CIP2A: variants seen among roughly 807,000 people sequenced by gnomAD.
CIP2A encodes cellular inhibitor of PP2A.
In CIP2A, 103 loss-of-function variants were observed where a neutral mutation model predicts 110.9. The ratio of observed to expected loss-of-function variants is 0.93; its 90% CI spans 0.79 to 1.09. The LOEUF (loss-of-function observed/expected upper bound fraction) is 1.09, where lower values mean the gene tolerates loss of function less well. Ranked by LOEUF, CIP2A falls within the 50% of genes least tolerant of loss-of-function variation. The pLI is 0.00. For missense variants in CIP2A, 1,088 were observed against 1,038.4 expected (o/e 1.05, Z -0.66); for synonymous variants, 381 against 361.6 (o/e 1.05, Z -0.61).
At chr3:108,572,826 T>C (rs1282723263) in intron 8 of CIP2A, among the ~76,000 whole-genome samples, 1 of 152,070 alleles carries the variant, frequency 6.6e-6, no homozygotes, top group Non-Finnish European at 1.5e-5. Flanking sequence ...ATTAGGTTGG[T>C]TGGGACCACC....
In CIP2A at chr3:108,585,202, C is replaced by T. The variant is rs778911986; in HGVS notation, c.113G>A (p.Gly38Glu). Residue 38 changes from glycine (G) to glutamate (E), a missense_variant, in exon 2 of 21, where the codon GGA (glycine) becomes GAA (glutamate). Coordinates refer to ENST00000295746, the MANE Select transcript of CIP2A (RefSeq NM_020890.3). ...QLLRHLEVIS[G>E]QKLTRLFTSN... ...TGTAAATAGTCGTGTGAGTTTCTGT[C>T]CAGAAATTACCTATAAAATAGTAAT... 42 of 1,605,436 alleles carry T rather than the reference C, an allele frequency of 2.6e-5. No individual in the cohort carries two copies. The Middle Eastern group carries it at 8.3e-4, about 32-fold the overall frequency.
At chr3:108,552,207 C>A (rs1330994931) in intron 20 of CIP2A, 27 bp downstream of exon 20, 2 of 1,533,430 alleles carry the variant, frequency 1.3e-6, no homozygotes, top group African/African-American at 1.4e-5. Context: ...TATTTTACTG[C>A]AAATGAGAAA....
chr3:108,585,302 T>A, intron 1 of CIP2A, 90 bp from the exon 2 acceptor site: 1 of 1,188,284 alleles, frequency 8.4e-7, no homozygotes, highest in Non-Finnish European at 1.2e-6. Context: ...TCCCTCAAAG[T>A]GCCACTGCTA....
rs374229316 is a variant in CIP2A, at chr3:108,589,418, G to T, written c.-43C>A. ...GGCTTAGGGACCACCACCGCCCAGC[G>T]TGCGCCGGCCTTTAGCTTTCGCCGC... On this transcript the variant is annotated 5_prime_UTR_variant, in exon 1 of 21. Transcript: ENST00000295746. 10 of 1,435,584 alleles carry T rather than the reference G, an allele frequency of 7.0e-6. No homozygotes were observed. The highest frequency in any genetic ancestry group is 1.8e-5 in the Admixed American group (1 of 54,310). 88.9% of individuals were successfully genotyped at this position (1,435,584 alleles called of 1,614,324 possible). A position where few individuals can be genotyped will look rare whatever the true frequency, so the allele number is the denominator to read the frequency against.
At chr3:108,585,389 C>T (rs915742520) in intron 1 of CIP2A, among the ~76,000 whole-genome samples, 177 bp from the exon 2 acceptor site, 1 of 152,116 alleles carries the variant, frequency 6.6e-6, no homozygotes, top group African/African-American at 2.4e-5. Context: ...TACCTAATCC[C>T]TCCCTCCCTA....
Position 108,563,063 on chromosome 3 carries a change from T to C in CIP2A, c.1634+63A>G, listed in dbSNP as rs1351318903. The C allele has an allele frequency of 9.9e-6, 10 of 1,015,168 alleles. 1 individual carries two copies. The Admixed American group carries it at 1.7e-4, about 18-fold the overall frequency. 62.9% of individuals were successfully genotyped at this position (1,015,168 alleles called of 1,614,324 possible). A position where few individuals can be genotyped will look rare whatever the true frequency, so the allele number is the denominator to read the frequency against. On this transcript the variant is annotated intron_variant, in intron 13 of 20. Coordinates refer to ENST00000295746, the MANE Select transcript of CIP2A (RefSeq NM_020890.3). ...TTGCTTGTGTATCTATACTGAGGAC[T>C]AAAGAGACATAGCAGGGTATTCCAA...
chr3:108,574,216 C>T (rs72943551), intron 8 of CIP2A, among the ~76,000 whole-genome samples: 5,545 of 151,866 alleles, frequency 0.037, 337 homozygotes, highest in African/African-American at 0.12. Flanking sequence ...TAAACAGACA[C>T]GTCAAAGAAC....
chr3:108,571,616 A>G (rs1347316165), intron 8 of CIP2A, among the ~76,000 whole-genome samples: 1 of 152,202 alleles, frequency 6.6e-6, no homozygotes, highest in Non-Finnish European at 1.5e-5. Flanking sequence ...TTTAATGTAC[A>G]CATATAAAAG....
In CIP2A at chr3:108,586,345, G is replaced by A. The variant is rs115990849; in HGVS notation, c.103-1133C>T. On this transcript the variant is annotated intron_variant, in intron 1 of 20. Transcript: ENST00000295746. ...GATATTCTGGGGTAGGAAATACTGT[G>A]GGCATTACCCTGTTGCTTATTTATA... Among the ~76,000 whole-genome samples the A allele has an allele frequency of 5.0e-3, 753 of 150,750 alleles. 4 individuals are homozygous for A. Among genetic ancestry groups the A allele is most frequent in the African/African-American group, 0.018 (726 of 40,146 alleles).
rs188794956 is a variant in CIP2A, at chr3:108,550,206, C to A, written c.*943G>T. 4.6e-5 allele frequency: 7 copies of A among 151,464 alleles called. No individual in the cohort carries two copies. The highest frequency in any genetic ancestry group is 7.4e-5 in the Non-Finnish European group (5 of 67,678). The allele number at this position is 151,464 out of a possible 1,614,324, so 9.4% of individuals were successfully genotyped here. On this transcript the variant is annotated 3_prime_UTR_variant, in exon 21 of 21. Transcript: ENST00000295746. ...GATTCAAATGAAAAGTACAGAAGGACCCTTGTATTTTAAAAAAAATAAAGA... is the reference window on the plus strand; with the variant it reads ...GATTCAAATGAAAAGTACAGAAGGAACCTTGTATTTTAAAAAAAATAAAGA...
chr3:108,587,529 C>A (rs1939089062), intron 1 of CIP2A, among the ~76,000 whole-genome samples: 1 of 152,138 alleles, frequency 6.6e-6, no homozygotes, highest in Admixed American at 6.5e-5. Flanking sequence ...AGCTACTCTA[C>A]CTATATGTTA....
intron 8 of CIP2A, among the ~76,000 whole-genome samples, chr3:108,570,168 T>C (rs920135421): frequency 3.9e-5 from 6 of 151,990 alleles, no homozygotes; most frequent in African/African-American, 9.7e-5. Context: ...ACCAGTTTAT[T>C]AGATGTTAAG....
intron 5 of CIP2A, among the ~76,000 whole-genome samples, chr3:108,581,142 A>G (rs1393965318): frequency 1.3e-5 from 2 of 152,190 alleles, no homozygotes; most frequent in Non-Finnish European, 2.9e-5. Context: ...GTACTACTCA[A>G]TGTAATAAAT....
intron 7 of CIP2A, among the ~76,000 whole-genome samples, chr3:108,577,190 A>G (rs1938685055): frequency 6.6e-6 from 1 of 152,182 alleles, no homozygotes; most frequent in Non-Finnish European, 1.5e-5. Flanking sequence ...GTGTGAAGAA[A>G]TAAGGTTGAG....
intron 13 of CIP2A, among the ~76,000 whole-genome samples, chr3:108,562,506 TA>T (rs1273808726): frequency 6.6e-6 from 1 of 152,104 alleles, no homozygotes; most frequent in Non-Finnish European, 1.5e-5. Context: ...ATAAATGACT[TA>T]AAAAAATTTT....
intron 12 of CIP2A, among the ~76,000 whole-genome samples, chr3:108,564,130 T>C (rs1938100019): frequency 6.6e-6 from 1 of 151,994 alleles, no homozygotes; most frequent in Non-Finnish European, 1.5e-5. Flanking sequence ...TATAATCCAG[T>C]GTCACAGAAC....
At position 108,585,179 on chromosome 3, in the gene CIP2A, T is replaced by G; in HGVS notation, c.136A>C (p.Thr46Pro). The G allele has an allele frequency of 6.2e-7, 1 of 1,611,974 alleles. No homozygotes were observed. The highest frequency in any genetic ancestry group is 8.5e-7 in the Non-Finnish European group (1 of 1,178,864). The change falls in exon 2 of 21, where the codon ACA (threonine) becomes CCA (proline). Residue 46 changes from threonine to proline, a missense_variant. Coordinates refer to ENST00000295746, the MANE Select transcript of CIP2A (RefSeq NM_020890.3). ...ISGQKLTRLF[T>P]SNQILTSECL... ...TCACTTGTTAATATCTGATTTGATG[T>G]AAATAGTCGTGTGAGTTTCTGTCCA...
chr3:108,557,099 A>G, intron 17 of CIP2A, 119 bp downstream of exon 17: 1 of 545,332 alleles, frequency 1.8e-6, no homozygotes, highest in Non-Finnish European at 3.2e-6. Context: ...CTAATTACTT[A>G]CCTCATGTGT....
chr3:108,583,904 G>T (rs1200577797), intron 2 of CIP2A, among the ~76,000 whole-genome samples: 1 of 151,988 alleles, frequency 6.6e-6, no homozygotes, highest in Admixed American at 6.6e-5. Context: ...ATGTATCTGT[G>T]AAAAAATTAA....
Sources: gnomAD v4.1 joint callset for allele counts (sites outside exome capture counted in the v4.1 genomes callset) on GRCh38, gnomAD v4.1.1 for gene constraint, MANE v1.5 for transcripts, NCBI Gene and HGNC (gene_info 2026-07-23, HGNC 2026-07-21) for gene names.